FMNL2: variants seen among roughly 807,000 people sequenced by gnomAD.
FMNL2 encodes formin like 2, also known as formin-like protein 2.
Under a neutral mutation model 130.2 loss-of-function variants are expected in FMNL2, and 51 were observed. The observed-to-expected ratio is 0.39, with a 90% CI of 0.31 to 0.49. FMNL2 has a LOEUF of 0.49. FMNL2 is among the 20% of genes least tolerant of loss of function. The pLI, the probability that FMNL2 is intolerant of heterozygous loss-of-function variation, is 0.85. For missense variants in FMNL2, 977 were observed against 1,316.2 expected, an observed-to-expected ratio of 0.74 and a Z score of 3.99; for synonymous variants, 465 against 467.1, an observed-to-expected ratio of 1.00 and a Z score of 0.06.
intron 1 of FMNL2, among the ~76,000 whole-genome samples, chr2:152,431,595 C>T (rs1360299100): frequency 6.6e-6 from 1 of 151,810 alleles, no homozygotes; most frequent in Non-Finnish European, 1.5e-5. Flanking sequence ...GTTAAAGTGC[C>T]CTAATTTGTG....
chr2:152,445,492 G>A (rs1013335452), intron 1 of FMNL2, among the ~76,000 whole-genome samples: 1 of 152,192 alleles, frequency 6.6e-6, no homozygotes. Flanking sequence ...AATGTGGCTA[G>A]TGTCACTGGG....
chr2:152,615,355 A>T (rs910176037), intron 12 of FMNL2, among the ~76,000 whole-genome samples: 1 of 152,118 alleles, frequency 6.6e-6, no homozygotes, highest in Admixed American at 6.5e-5. Flanking sequence ...TGAGGCGAAG[A>T]GGTATCTTCT....
At chr2:152,627,206 A>G (rs1190829688) in intron 17 of FMNL2, among the ~76,000 whole-genome samples, 1 of 152,232 alleles carries the variant, frequency 6.6e-6, no homozygotes. Flanking sequence ...GCCAGATGCA[A>G]ATATGATACA....
At position 152,599,399 on chromosome 2, in the gene FMNL2, G is replaced by T. The variant is rs73971908; in HGVS notation, c.877-7940G>T. ...GTTTTACTCTCTAGAATTTATTGAA[G>T]GTCATCTTTTTTTTTTTTTTTTTTT... On this transcript the variant is annotated intron_variant, in intron 9 of 25. Transcript: ENST00000288670. 7.0e-3 allele frequency among the ~76,000 whole-genome samples: 811 copies of T among 116,670 alleles called. 9 individuals are homozygous for T. The highest frequency in any genetic ancestry group is 0.025 in the African/African-American group (776 of 30,720). The allele number at this position is 116,670 out of a possible 152,430, so 76.5% of individuals were successfully genotyped here. A position where few individuals can be genotyped will look rare whatever the true frequency, so the allele number is the denominator to read the frequency against.
chr2:152,420,785 T>G (rs1243116502), intron 1 of FMNL2, among the ~76,000 whole-genome samples: 2 of 152,188 alleles, frequency 1.3e-5, no homozygotes, highest in East Asian at 3.8e-4. Context: ...AGGGGGTGCC[T>G]TCTGTGACGG....
intron 15 of FMNL2, among the ~76,000 whole-genome samples, chr2:152,624,166 C>A (rs1378089395): frequency 6.8e-6 from 1 of 146,902 alleles, no homozygotes; most frequent in Non-Finnish European, 1.5e-5. Context: ...CCCTTCCTTC[C>A]TCTTTTTTGA....
rs1690914179 is a variant in FMNL2, at chr2:152,487,797, T to C, written c.118-34146T>C. 2.6e-5 allele frequency among the ~76,000 whole-genome samples: 4 copies of C among 152,086 alleles called. No individual in the cohort carries two copies. The South Asian group carries it at 6.2e-4, about 24-fold the overall frequency. On this transcript the variant is annotated intron_variant, in intron 1 of 25. Transcript: ENST00000288670. ...GATGAATTCTTTCTTTTTTTTTTTTTTCCTTTTTGAGACACAGTCTCACTC... is the reference window on the plus strand; with the variant it reads ...GATGAATTCTTTCTTTTTTTTTTTTCTCCTTTTTGAGACACAGTCTCACTC...
At chr2:152,342,006 G>A (rs1169721978) in intron 1 of FMNL2, among the ~76,000 whole-genome samples, 2 of 152,184 alleles carry the variant, frequency 1.3e-5, no homozygotes, top group East Asian at 1.9e-4. Flanking sequence ...CAACTTGCAG[G>A]TTCTAGACAT....
intron 9 of FMNL2, among the ~76,000 whole-genome samples, chr2:152,606,269 G>A (rs1303510368): frequency 1.3e-5 from 2 of 152,168 alleles, no homozygotes; most frequent in Non-Finnish European, 2.9e-5. Context: ...GTTAACCAAG[G>A]GACTGTGTCT....
intron 25 of FMNL2, among the ~76,000 whole-genome samples, chr2:152,647,305 T>C (rs1307219570): frequency 5.9e-5 from 9 of 152,358 alleles, no homozygotes; most frequent in African/African-American, 2.2e-4. Context: ...GCTAGCTTAA[T>C]GGAATGAAAA....
At chr2:152,384,075 A>G (rs889967636) in intron 1 of FMNL2, among the ~76,000 whole-genome samples, 4 of 152,118 alleles carry the variant, frequency 2.6e-5, no homozygotes, top group African/African-American at 9.7e-5. Context: ...ATTGATTTCT[A>G]TTTTTGTGAA....
intron 1 of FMNL2, among the ~76,000 whole-genome samples, chr2:152,510,682 G>A (rs573670657): frequency 6.6e-6 from 1 of 152,314 alleles, no homozygotes; most frequent in African/African-American, 2.4e-5. Flanking sequence ...GCTACCACGA[G>A]GGGTGAGAGC....
intron 1 of FMNL2, among the ~76,000 whole-genome samples, chr2:152,502,114 G>C (rs1054757138): frequency 4.6e-5 from 7 of 152,156 alleles, no homozygotes; most frequent in African/African-American, 1.7e-4. Context: ...AAACACTTGG[G>C]TTATTTTGGG....
chr2:152,637,910 G>A (rs1682760434), intron 23 of FMNL2, among the ~76,000 whole-genome samples: 1 of 152,208 alleles, frequency 6.6e-6, no homozygotes, highest in Admixed American at 6.5e-5. Context: ...GCCCCCTTGG[G>A]GCAAGGGAGA....
chr2:152,533,242 G>C (rs1252464297), intron 2 of FMNL2, among the ~76,000 whole-genome samples: 1 of 152,166 alleles, frequency 6.6e-6, no homozygotes, highest in African/African-American at 2.4e-5. Context: ...TATGTGGGAT[G>C]AGTTAAGGGT....
At chr2:152,534,224 T>C (rs1693862662) in intron 2 of FMNL2, among the ~76,000 whole-genome samples, 1 of 152,228 alleles carries the variant, frequency 6.6e-6, no homozygotes, top group Non-Finnish European at 1.5e-5. Context: ...TATCAGACCC[T>C]TCGCACCACT....
intron 9 of FMNL2, among the ~76,000 whole-genome samples, chr2:152,600,197 A>T (rs1422874916): frequency 6.6e-6 from 1 of 151,924 alleles, no homozygotes; most frequent in Non-Finnish European, 1.5e-5. Context: ...CTAATCAGTC[A>T]TAATAGAGTG....
intron 1 of FMNL2, among the ~76,000 whole-genome samples, chr2:152,400,555 G>A (rs973189668): frequency 6.6e-6 from 1 of 152,208 alleles, no homozygotes; most frequent in East Asian, 1.9e-4. Flanking sequence ...GGAAGATGCT[G>A]CAAAGAGTAT....
At chr2:152,418,356 G>A (rs551716290) in intron 1 of FMNL2, among the ~76,000 whole-genome samples, 2 of 152,212 alleles carry the variant, frequency 1.3e-5, no homozygotes, top group African/African-American at 4.8e-5. Context: ...GTGGCATTAA[G>A]TACATTTGTA....
Sources: gnomAD v4.1 joint callset for allele counts (sites outside exome capture counted in the v4.1 genomes callset) on GRCh38, gnomAD v4.1.1 for gene constraint, MANE v1.5 for transcripts, NCBI Gene and HGNC (gene_info 2026-07-23, HGNC 2026-07-21) for gene names.